The following ANKRD31 variants were observed in gnomAD, a reference collection of about 807,000 sequenced individuals.
The protein encoded by ANKRD31 is ankyrin repeat domain 31.
In ANKRD31, 147 loss-of-function variants were observed where a neutral mutation model predicts 186.0. The ratio of observed to expected loss-of-function variants is 0.79; its 90% CI spans 0.69 to 0.91. The LOEUF is 0.91. Ranked by LOEUF, ANKRD31 falls within the 40% of genes least tolerant of loss-of-function variation. The pLI is 0.00. For synonymous variants in ANKRD31, 673 were observed against 736.4 expected (o/e 0.91, Z 1.39); for missense variants, 1,986 against 2,148.8 (o/e 0.92, Z 1.50).
At chr5:75,117,473 A>G (rs1402118169) in intron 18 of ANKRD31, among the ~76,000 whole-genome samples, 1 of 152,150 alleles carries the variant, frequency 6.6e-6, no homozygotes, top group African/African-American at 2.4e-5. Context: ...CTTAGCTCTG[A>G]CGAATTATAT....
chr5:75,143,707 C>T (rs1273083203), intron 15 of ANKRD31, among the ~76,000 whole-genome samples: 4 of 152,130 alleles, frequency 2.6e-5, no homozygotes, highest in Admixed American at 1.3e-4. Context: ...GAATCTGATA[C>T]ATTTCACGCC....
intron 5 of ANKRD31, among the ~76,000 whole-genome samples, chr5:75,202,136 C>A (rs1755861250): frequency 6.6e-6 from 1 of 152,190 alleles, no homozygotes; most frequent in Non-Finnish European, 1.5e-5. Flanking sequence ...GCCCTGACCA[C>A]CTTGGGCACA....
intron 25 of ANKRD31, among the ~76,000 whole-genome samples, chr5:75,078,622 T>C (rs1744845004): frequency 6.6e-6 from 1 of 152,178 alleles, no homozygotes; most frequent in African/African-American, 2.4e-5. Context: ...CTTGGTACTA[T>C]GGTGACAGGA....
chr5:75,189,473 C>T (rs141360160), intron 9 of ANKRD31, among the ~76,000 whole-genome samples: 10 of 152,250 alleles, frequency 6.6e-5, no homozygotes, highest in Admixed American at 2.0e-4. Context: ...TCTTAATGGA[C>T]GACATATCAA....
At chr5:75,123,267 A>T (rs899750503) in intron 17 of ANKRD31, among the ~76,000 whole-genome samples, 1 of 152,060 alleles carries the variant, frequency 6.6e-6, no homozygotes, top group Non-Finnish European at 1.5e-5. Context: ...AGAAAAATAC[A>T]ACACGGATGA....
At chr5:75,148,719 C>T (rs1293881302) in intron 12 of ANKRD31, 91 bp from the exon 13 acceptor site, 3 of 874,494 alleles carry the variant, frequency 3.4e-6, no homozygotes, top group Non-Finnish European at 5.0e-6. Context: ...CACGAGAAAA[C>T]CAAGTGGAAT....
rs1399632617 is a variant in ANKRD31, at chr5:75,195,999, G to C, written c.649C>G (p.Leu217Val). Residue 217 changes from leucine to valine, a missense_variant, in exon 7 of 26, where the codon CTT (leucine) becomes GTT (valine). Leu to Val is a conservative substitution (Grantham distance 32, BLOSUM62 1). Coordinates refer to ENST00000506364, the MANE Select transcript of ANKRD31 (RefSeq NM_001372053.1). ...TCTAAGGCAGACACAAAGGTTTCAA[G>C]AGAGCTTTCTTCATCCTTAGTTTCT... is the stretch of plus-strand genomic sequence containing the variant. ...SEETKDEESS[L>V]ETFVSALESL... is the part of the protein sequence containing the mutation. The C allele has an allele frequency of 6.5e-7, 1 of 1,532,374 alleles. No individual in the cohort carries two copies. Among genetic ancestry groups the C allele is most frequent in the Non-Finnish European group, 8.7e-7 (1 of 1,145,120 alleles). 94.9% of individuals were successfully genotyped at this position (1,532,374 alleles called of 1,614,324 possible).
chr5:75,084,388 A>G lies in ANKRD31; in HGVS notation c.5473-14T>C. 1 of 1,502,898 alleles carries G rather than the reference A, an allele frequency of 6.7e-7. No individual in the cohort carries two copies. 93.1% of individuals were successfully genotyped at this position (1,502,898 alleles called of 1,614,324 possible). On this transcript the variant is annotated splice_polypyrimidine_tract_variant and intron_variant, in intron 23 of 25. Coordinates refer to ENST00000506364, the MANE Select transcript of ANKRD31 (RefSeq NM_001372053.1). ...AAGATACGTTACCTGCACATAATTA[A>G]GCACAAAATTTATAAATCATACATT...
intron 6 of ANKRD31, among the ~76,000 whole-genome samples, chr5:75,199,236 C>A (rs1755656798): frequency 6.6e-6 from 1 of 152,092 alleles, no homozygotes; most frequent in South Asian, 2.1e-4. Flanking sequence ...TGCCTAGCAT[C>A]CCTGAGGAAA....
intron 17 of ANKRD31, among the ~76,000 whole-genome samples, chr5:75,121,335 A>T (rs964809213): frequency 6.6e-6 from 1 of 152,210 alleles, no homozygotes; most frequent in Admixed American, 6.5e-5. Flanking sequence ...CTAAAGAAAG[A>T]TACAGATAGC....
intron 17 of ANKRD31, among the ~76,000 whole-genome samples, chr5:75,129,467 T>C (rs1561451567): frequency 6.6e-6 from 1 of 152,146 alleles, no homozygotes; most frequent in Non-Finnish European, 1.5e-5. Flanking sequence ...AATTCAGTAA[T>C]AACATCCTCC....
intron 10 of ANKRD31, among the ~76,000 whole-genome samples, chr5:75,184,287 T>G (rs1754546426): frequency 1.3e-5 from 2 of 152,044 alleles, no homozygotes; most frequent in African/African-American, 2.4e-5. Context: ...ATACTGAAAC[T>G]GAAACTACTA....
chr5:75,113,489 C>A (rs1747943444), intron 19 of ANKRD31, among the ~76,000 whole-genome samples: 1 of 152,092 alleles, frequency 6.6e-6, no homozygotes, highest in Non-Finnish European at 1.5e-5. Context: ...ATCTTGTAGG[C>A]AGAAGCATGC....
intron 2 of ANKRD31, among the ~76,000 whole-genome samples, chr5:75,230,084 C>T (rs752864162): frequency 5.3e-5 from 8 of 151,744 alleles, no homozygotes; most frequent in East Asian, 2.0e-4. Context: ...TGTGTGTGCG[C>T]GCGTGTGTGC....
chr5:75,171,346 T>G (rs1753305655), intron 10 of ANKRD31, among the ~76,000 whole-genome samples: 1 of 151,946 alleles, frequency 6.6e-6, no homozygotes, highest in South Asian at 2.1e-4. Context: ...ATTTTAAAAT[T>G]AAACAACTTC....
At position 75,195,900 on chromosome 5, in the gene ANKRD31, C is replaced by T. The variant is rs1201246603; in HGVS notation, c.748G>A (p.Glu250Lys). 3.3e-6 allele frequency: 5 copies of T among 1,534,602 alleles called. No homozygotes were observed. In the African/African-American group the frequency reaches 6.9e-5, roughly 21 times the overall value. The change falls in exon 7 of 26, where the codon GAA becomes AAA. Residue 250 changes from glutamate (E) to lysine (K), a missense_variant. Coordinates refer to ENST00000506364, the MANE Select transcript of ANKRD31 (RefSeq NM_001372053.1). ...GAGTCACTCAATGGGTTCATCAATT[C>T]TTTACGATCAAAATCACTTACTAAT... The part of the protein sequence containing the change: ...FELVSDFDRK[E>K]LMNPLSDSLS...
intron 6 of ANKRD31, 75 bp from the exon 7 acceptor site, chr5:75,196,275 T>TCATTTTA: frequency 8.4e-7 from 1 of 1,191,706 alleles, no homozygotes; most frequent in Non-Finnish European, 1.1e-6. Context: ...TTTATAGTTT[T>TCATTTTA]ATAGTTTATC....
chr5:75,147,997 C>A (rs1751596678), intron 13 of ANKRD31, among the ~76,000 whole-genome samples: 1 of 151,756 alleles, frequency 6.6e-6, no homozygotes, highest in Non-Finnish European at 1.5e-5. Flanking sequence ...AGAAGCTTTA[C>A]ACAAATGCTT....
intron 3 of ANKRD31, among the ~76,000 whole-genome samples, chr5:75,219,550 T>C (rs777536384): frequency 2.0e-5 from 3 of 152,184 alleles, no homozygotes; most frequent in African/African-American, 4.8e-5. Context: ...TACTCATGAA[T>C]AGGAAGACTC....
Sources: gnomAD v4.1 joint callset for allele counts (sites outside exome capture counted in the v4.1 genomes callset) on GRCh38, gnomAD v4.1.1 for gene constraint, MANE v1.5 for transcripts, NCBI Gene and HGNC (gene_info 2026-07-23, HGNC 2026-07-21) for gene names.